The following NEDD4L variants were observed in gnomAD, a reference collection of about 807,000 sequenced individuals.
NEDD4L encodes the protein E3 ubiquitin-protein ligase NEDD4-like.
NEDD4L carries 54 observed loss-of-function variants against 148.9 expected under a neutral mutation model. That is an observed-to-expected ratio of 0.36 (90% confidence interval 0.29 to 0.45). The LOEUF is 0.45. Ranked by LOEUF, NEDD4L falls within the 20% of genes least tolerant of loss-of-function variation. NEDD4L has a pLI of 1.00. For synonymous variants in NEDD4L, 433 were observed against 440.7 expected (o/e 0.98, Z 0.22); for missense variants, 856 against 1,233.8 (o/e 0.69, Z 4.59).
chr18:58,393,142 T>G (rs1298208406), intron 30 of NEDD4L, among the ~76,000 whole-genome samples: 2 of 152,212 alleles, frequency 1.3e-5, no homozygotes, highest in Non-Finnish European at 2.9e-5. Context: ...TCATGTTCAT[T>G]CAGCCCATGT....
chr18:58,064,638 A>G (rs1349968537), intron 1 of NEDD4L, among the ~76,000 whole-genome samples: 1 of 152,214 alleles, frequency 6.6e-6, no homozygotes, highest in African/African-American at 2.4e-5. Context: ...ACACAGCAGA[A>G]CTACTGTTGT....
chr18:58,242,141 A>AGC (rs1469801300), intron 2 of NEDD4L, among the ~76,000 whole-genome samples: 2 of 152,216 alleles, frequency 1.3e-5, no homozygotes, highest in African/African-American at 4.8e-5. Context: ...GCAGTTGGCC[A>AGC]GCACCCAGTG....
At chr18:58,181,570 A>G (rs1348233433) in intron 2 of NEDD4L, among the ~76,000 whole-genome samples, 1 of 151,912 alleles carries the variant, frequency 6.6e-6, no homozygotes, top group Non-Finnish European at 1.5e-5. Context: ...TAGCTAGACC[A>G]TGGTGCATGC....
intron 2 of NEDD4L, among the ~76,000 whole-genome samples, chr18:58,206,907 A>T (rs563750168): frequency 1.3e-5 from 2 of 152,196 alleles, no homozygotes; most frequent in Non-Finnish European, 2.9e-5. Flanking sequence ...CACTTGCTAC[A>T]GTGTGATGGA....
chr18:58,381,743 A>G (rs1415520776), intron 24 of NEDD4L, among the ~76,000 whole-genome samples: 1 of 152,216 alleles, frequency 6.6e-6, no homozygotes, highest in Non-Finnish European at 1.5e-5. Context: ...TTATTAACAC[A>G]TAGAACAAAA....
chr18:58,075,540 T>C (rs2083113585), intron 1 of NEDD4L, among the ~76,000 whole-genome samples: 1 of 152,102 alleles, frequency 6.6e-6, no homozygotes, highest in African/African-American at 2.4e-5. Flanking sequence ...TCCTCAAACT[T>C]GTGGGGTCAA....
At chr18:58,362,937 C>G (rs1055506494) in intron 19 of NEDD4L, among the ~76,000 whole-genome samples, 1 of 152,124 alleles carries the variant, frequency 6.6e-6, no homozygotes, top group African/African-American at 2.4e-5. Context: ...CTCAGAATTG[C>G]TATGTGGTTT....
intron 24 of NEDD4L, among the ~76,000 whole-genome samples, chr18:58,375,091 CT>C (rs1347709789): frequency 2.0e-5 from 3 of 152,086 alleles, no homozygotes; most frequent in South Asian, 2.1e-4. Context: ...CCACCTGACA[CT>C]TGGGCATCCC....
Position 58,357,360 on chromosome 18 carries a change from GT to G in NEDD4L, c.1767+109del, listed in dbSNP as rs2044819020. ...GATGTCAAGGGACAACGGTGATTGA[GT>G]AGTTGACTAGAAACAGAGCACTTTG... On this transcript the variant is annotated intron_variant, in intron 19 of 30. Transcript: ENST00000400345. The G allele has an allele frequency of 8.0e-6, 8 of 1,003,284 alleles. No homozygotes were observed. The East Asian group carries it at 1.9e-4, about 24-fold the overall frequency. The allele number at this position is 1,003,284 out of a possible 1,614,324, so 62.1% of individuals were successfully genotyped here.
intron 2 of NEDD4L, chr18:58,195,555 G>T (rs1425200989): frequency 7.5e-7 from 1 of 1,339,564 alleles, no homozygotes; most frequent in Non-Finnish European, 9.8e-7. Context: ...TGTCCACGCG[G>T]TGCCTCCCCA....
At chr18:58,131,420 C>G (rs1478984622) in intron 1 of NEDD4L, among the ~76,000 whole-genome samples, 1 of 143,726 alleles carries the variant, frequency 7.0e-6, no homozygotes, top group African/African-American at 2.6e-5. Flanking sequence ...GTGTTGGGCT[C>G]TCTTGGGGTT....
chr18:58,275,936 C>T (rs2148882994), intron 5 of NEDD4L, among the ~76,000 whole-genome samples: 1 of 152,304 alleles, frequency 6.6e-6, no homozygotes, highest in South Asian at 2.1e-4. Flanking sequence ...CTAAGCGGCT[C>T]TGCAGGCCTC....
chr18:58,307,863 T>G (rs1054556399), intron 5 of NEDD4L, among the ~76,000 whole-genome samples: 1 of 152,238 alleles, frequency 6.6e-6, no homozygotes, highest in Non-Finnish European at 1.5e-5. Flanking sequence ...ATATTTCAGA[T>G]TAAGATCTGT....
chr18:58,250,361 G>C (rs891895200), intron 4 of NEDD4L, among the ~76,000 whole-genome samples: 61 of 152,100 alleles, frequency 4.0e-4, no homozygotes, highest in Admixed American at 3.3e-4. Context: ...TGTTGGCCAG[G>C]CTGGTCTCAC....
intron 1 of NEDD4L, among the ~76,000 whole-genome samples, chr18:58,063,569 C>CT (rs373856644): frequency 0.64 from 90,500 of 140,370 alleles, 30,352 homozygotes; most frequent in East Asian, 0.96. Flanking sequence ...GATAGTACAG[C>CT]TTTTTTTTTT....
At chr18:58,258,656 C>A (rs2048926990) in intron 5 of NEDD4L, among the ~76,000 whole-genome samples, 1 of 152,126 alleles carries the variant, frequency 6.6e-6, no homozygotes, top group Admixed American at 6.6e-5. Flanking sequence ...AGAGTAAGTT[C>A]CAACTAGTGA....
chr18:58,355,726 A>C (rs182326220), intron 18 of NEDD4L, among the ~76,000 whole-genome samples: 2 of 152,064 alleles, frequency 1.3e-5, no homozygotes, highest in East Asian at 3.9e-4. Context: ...ATTCTCTCAA[A>C]CAGTTGAGAT....
At chr18:58,287,309 G>A (rs996834062) in intron 5 of NEDD4L, among the ~76,000 whole-genome samples, 2 of 152,142 alleles carry the variant, frequency 1.3e-5, no homozygotes, top group Non-Finnish European at 2.9e-5. Flanking sequence ...CAGACGAATA[G>A]AGGACAGCAT....
rs1484513039 is a variant in NEDD4L at position 58,044,684 on chromosome 18, G to T, written c.24G>T (p.Pro8=). The T allele has an allele frequency of 6.2e-7, 1 of 1,606,382 alleles. No homozygotes were observed. Among genetic ancestry groups the T allele is most frequent in the Non-Finnish European group, 8.5e-7 (1 of 1,176,592 alleles). The change falls in exon 1 of 31, where the codon CCG becomes CCT. Residue 8 remains proline (P), a synonymous_variant. Transcript: ENST00000400345. ...CCATGGCGACCGGGCTCGGGGAGCC[G>T]GTCTATGGACTTTCCGAAGACGAGG... MATGLGE[P]VYGLSEDEGE...
Sources: allele counts gnomAD v4.1 joint callset (sites outside exome capture counted in the v4.1 genomes callset), GRCh38; gene constraint gnomAD v4.1.1; transcripts MANE v1.5; gene names NCBI Gene and HGNC (gene_info 2026-07-23, HGNC 2026-07-21).